CHL1: variants seen among roughly 807,000 people sequenced by gnomAD.
The protein encoded by CHL1 is neural cell adhesion molecule L1-like protein.
In CHL1, 96 loss-of-function variants were observed where a neutral mutation model predicts 141.9. The ratio of observed to expected loss-of-function variants is 0.68; its 90% CI spans 0.57 to 0.80. The LOEUF is 0.80. CHL1 is among the 30% of genes least tolerant of loss of function. The pLI is 0.00. For missense variants in CHL1, 1,820 were observed against 1,457.2 expected (o/e 1.25, Z -4.05); for synonymous variants, 613 against 502.2 (o/e 1.22, Z -2.95).
intron 12 of CHL1, among the ~76,000 whole-genome samples, chr3:361,157 T>A (rs908342982): frequency 7.3e-5 from 11 of 151,716 alleles, no homozygotes; most frequent in Non-Finnish European, 1.5e-4. Context: ...CTGGGAAAAC[T>A]GGCTAGCCAT....
chr3:329,069 C>T (rs994535619), intron 5 of CHL1, among the ~76,000 whole-genome samples: 2 of 152,086 alleles, frequency 1.3e-5, no homozygotes, highest in Non-Finnish European at 2.9e-5. Context: ...TATCAGTAAT[C>T]GTCCCCTGAA....
chr3:245,750 T>A (rs1455240642), intron 2 of CHL1, among the ~76,000 whole-genome samples: 5 of 152,128 alleles, frequency 3.3e-5, no homozygotes, highest in African/African-American at 9.7e-5. Context: ...TATGGGTTAC[T>A]GTTAGCATAC....
intron 2 of CHL1, among the ~76,000 whole-genome samples, chr3:252,361 G>GATAT (rs71058760): frequency 0.22 from 11,954 of 53,368 alleles, 1,645 homozygotes; most frequent in East Asian, 0.33. Flanking sequence ...AAAGCATCCA[G>GATAT]ATATATATAT....
chr3:250,567 G>A (rs1193491376), intron 2 of CHL1, among the ~76,000 whole-genome samples: 1 of 152,026 alleles, frequency 6.6e-6, no homozygotes, highest in African/African-American at 2.4e-5. Flanking sequence ...GTGGGAACGG[G>A]GAAGACCCTC....
At chr3:270,441 T>G (rs1045936854) in intron 2 of CHL1, among the ~76,000 whole-genome samples, 8 of 152,134 alleles carry the variant, frequency 5.3e-5, no homozygotes, top group African/African-American at 1.9e-4. Flanking sequence ...AGAGACCTGA[T>G]TGGTGTTTTT....
In CHL1 at chr3:391,707, A is replaced by T; in HGVS notation, c.2824A>T (p.Lys942Ter). 6.2e-7 allele frequency: 1 copy of T among 1,606,484 alleles called. No individual in the cohort carries two copies. Among genetic ancestry groups the T allele is most frequent in the Non-Finnish European group, 8.5e-7 (1 of 1,175,332 alleles). ...ACAGCCAACTTTTCTAAAGGTCATC[A>T]AAGTTGATAAAGACACTGCCACTTT... Reference protein sequence around the residue: ...PEQPTFLKVIKVDKDTATLSW... With the variant: ...PEQPTFLKVI Residue 942 changes from lysine (K) to a stop codon, truncating the protein, a stop_gained, in exon 23 of 28, where the codon AAA becomes TAA. Transcript: ENST00000256509. LOFTEE classifies it high-confidence loss of function.
intron 1 of CHL1, among the ~76,000 whole-genome samples, chr3:241,261 T>A (rs373494518): frequency 6.6e-6 from 1 of 152,324 alleles, no homozygotes; most frequent in East Asian, 1.9e-4. Context: ...TAAAATGACA[T>A]GTCTCAAAAT....
intron 2 of CHL1, among the ~76,000 whole-genome samples, chr3:252,195 CTTAT>C (rs970886335): frequency 2.0e-5 from 3 of 151,306 alleles, no homozygotes; most frequent in Non-Finnish European, 3.0e-5. Context: ...CACCTTGTTA[CTTAT>C]TTAAACATAA....
At chr3:272,614 A>G (rs751526209) in intron 2 of CHL1, among the ~76,000 whole-genome samples, 1 of 152,236 alleles carries the variant, frequency 6.6e-6, no homozygotes, top group Non-Finnish European at 1.5e-5. Flanking sequence ...TTTAGATCTT[A>G]CAATTAGAAA....
chr3:263,859 A>C (rs1008806658), intron 2 of CHL1, among the ~76,000 whole-genome samples: 2 of 152,212 alleles, frequency 1.3e-5, no homozygotes, highest in African/African-American at 4.8e-5. Context: ...ACAATTGTAT[A>C]AGCTATGCCT....
chr3:339,340 T>C (rs1368703089), intron 5 of CHL1, among the ~76,000 whole-genome samples: 2 of 152,260 alleles, frequency 1.3e-5, no homozygotes, highest in African/African-American at 2.4e-5. Flanking sequence ...TGATGTTTTA[T>C]CTACAAGCTC....
intron 5 of CHL1, among the ~76,000 whole-genome samples, chr3:335,848 A>C (rs3821622): frequency 0.77 from 116,424 of 151,718 alleles, 44,933 homozygotes; most frequent in Middle Eastern, 0.84. Context: ...GCAGCAGCAG[A>C]AGAAAACTCC....
chr3:270,637 C>T (rs185548344), intron 2 of CHL1, among the ~76,000 whole-genome samples: 2 of 152,250 alleles, frequency 1.3e-5, no homozygotes, highest in East Asian at 3.9e-4. Flanking sequence ...AATTTGGTGG[C>T]CAAAAACAAT....
intron 16 of CHL1, among the ~76,000 whole-genome samples, chr3:378,850 C>G (rs1015894215): frequency 6.6e-6 from 1 of 152,218 alleles, no homozygotes; most frequent in Non-Finnish European, 1.5e-5. Context: ...ACCCAACCTA[C>G]TGAACATCCT....
chr3:364,409 A>G (rs754693355), intron 14 of CHL1, among the ~76,000 whole-genome samples: 1 of 152,226 alleles, frequency 6.6e-6, no homozygotes, highest in Non-Finnish European at 1.5e-5. Context: ...TTCAAAAAGT[A>G]AACCTATATC....
chr3:272,738 A>T (rs1204443667), intron 2 of CHL1, among the ~76,000 whole-genome samples: 1 of 152,212 alleles, frequency 6.6e-6, no homozygotes, highest in East Asian at 1.9e-4. Flanking sequence ...TCCAAAGATG[A>T]TCATAAAGAT....
intron 9 of CHL1, among the ~76,000 whole-genome samples, chr3:347,631 C>T (rs1168488168): frequency 6.6e-6 from 1 of 152,146 alleles, no homozygotes; most frequent in Non-Finnish European, 1.5e-5. Flanking sequence ...AGGATGGACT[C>T]TTGAAAAAAT....
Position 405,569 on chromosome 3 carries a change from A to C in CHL1, c.3533A>C (p.Asp1178Ala). 1.9e-6 allele frequency: 3 copies of C among 1,613,552 alleles called. No individual in the cohort carries two copies. Among genetic ancestry groups the C allele is most frequent in the Non-Finnish European group, 2.5e-6 (3 of 1,179,578 alleles). Reference sequence around the variant, plus strand: ...GATATGCAGCCTACTGAAAGTGCTGACAGCTTAGTCGAATACGGAGAGGGA... The same window carrying C: ...GATATGCAGCCTACTGAAAGTGCTGCCAGCTTAGTCGAATACGGAGAGGGA... ...NRDMQPTESADSLVEYGEGDH... is the reference protein window; with the variant it reads ...NRDMQPTESAASLVEYGEGDH... The change falls in exon 28 of 28, where the codon GAC becomes GCC. Residue 1178 changes from aspartate to alanine, a missense_variant. Transcript: ENST00000256509.
intron 2 of CHL1, among the ~76,000 whole-genome samples, chr3:299,500 A>T (rs1268727609): frequency 6.6e-6 from 1 of 152,202 alleles, no homozygotes; most frequent in Non-Finnish European, 1.5e-5. Flanking sequence ...GGAATGAATG[A>T]TAATAAAAAT....
Sources: allele counts gnomAD v4.1 joint callset (sites outside exome capture counted in the v4.1 genomes callset), GRCh38; gene constraint gnomAD v4.1.1; transcripts MANE v1.5; gene names NCBI Gene and HGNC (gene_info 2026-07-23, HGNC 2026-07-21).